IGSF11: variants seen among roughly 807,000 people sequenced by gnomAD.
The protein encoded by IGSF11 is CXADR like 1.
In IGSF11, 22 loss-of-function variants were observed where a neutral mutation model predicts 41.0. The observed-to-expected ratio is 0.54, with a 90% CI of 0.38 to 0.77. The LOEUF is 0.77. Ranked by LOEUF, IGSF11 falls within the 30% of genes least tolerant of loss-of-function variation. The probability of loss-of-function intolerance (pLI) is 0.00; values close to 1 mark genes in which losing one functional copy is unlikely to be tolerated. For missense variants in IGSF11, 444 were observed against 530.8 expected (o/e 0.84, Z 1.61); for synonymous variants, 219 against 201.3 (o/e 1.09, Z -0.74).
At chr3:119,079,021 A>T (rs899415144) in intron 1 of IGSF11, among the ~76,000 whole-genome samples, 2 of 152,112 alleles carry the variant, frequency 1.3e-5, no homozygotes, top group Admixed American at 1.3e-4. Context: ...CAAAACCACA[A>T]TGAGACACCA....
chr3:119,122,500 G>C lies in IGSF11; in HGVS notation c.-13-17295C>G, dbSNP rs192000361. ...CACAAGGACTGCAACTCCTAGGTGA[G>C]TCCTAGCACTAAGCTGGGCTCAGAG... On this transcript the variant is annotated intron_variant, in intron 1 of 7. Transcript: ENST00000425327. Among the ~76,000 whole-genome samples, 488 of 152,316 alleles carry C rather than the reference G, an allele frequency of 3.2e-3. 4 individuals are homozygous for C. Among genetic ancestry groups the C allele is most frequent in the African/African-American group, 0.011 (466 of 41,564 alleles).
chr3:119,058,828 C>A (rs546024008), intron 1 of IGSF11, among the ~76,000 whole-genome samples: 5,245 of 152,160 alleles, frequency 0.034, 215 homozygotes, highest in African/African-American at 0.12. Flanking sequence ...TTTGTAGGGA[C>A]ATGGATGAAG....
At chr3:119,005,903 C>T (rs1358978579) in intron 1 of IGSF11, among the ~76,000 whole-genome samples, 2 of 137,080 alleles carry the variant, frequency 1.5e-5, no homozygotes, top group Admixed American at 7.3e-5. Context: ...AACACTTTTT[C>T]CTTCATTTCA....
intron 1 of IGSF11, among the ~76,000 whole-genome samples, chr3:118,942,775 G>A (rs534422722): frequency 4.6e-5 from 7 of 152,192 alleles, no homozygotes; most frequent in African/African-American, 7.2e-5. Context: ...TTATCTTGTC[G>A]GCTTTGCAGG....
intron 1 of IGSF11, among the ~76,000 whole-genome samples, chr3:119,069,883 C>T (rs577909514): frequency 6.6e-6 from 1 of 152,250 alleles, no homozygotes; most frequent in African/African-American, 2.4e-5. Flanking sequence ...CCTATTTCTT[C>T]CCAGTTCTAA....
At chr3:119,036,991 G>C (rs1176269931), upstream of IGSF11, among the ~76,000 whole-genome samples, 1 of 152,172 alleles carries the variant, frequency 6.6e-6, no homozygotes, top group Non-Finnish European at 1.5e-5. Context: ...TGGTGGACCA[G>C]AAGAAAGCAG....
intron 1 of IGSF11, among the ~76,000 whole-genome samples, chr3:118,932,287 T>C (rs775304728): frequency 2.6e-5 from 4 of 152,226 alleles, no homozygotes; most frequent in Non-Finnish European, 4.4e-5. Context: ...ATTCAGTCTA[T>C]GACAGTATCT....
chr3:119,111,904 C>A (rs1007857620), intron 1 of IGSF11, among the ~76,000 whole-genome samples: 17 of 152,316 alleles, frequency 1.1e-4, no homozygotes, highest in African/African-American at 4.1e-4. Context: ...TGCAGACCAG[C>A]GGATTTTCGT....
intron 1 of IGSF11, among the ~76,000 whole-genome samples, chr3:119,063,171 C>A (rs928646817): frequency 6.6e-6 from 1 of 152,046 alleles, no homozygotes; most frequent in Non-Finnish European, 1.5e-5. Flanking sequence ...AGAAATTTAC[C>A]ACCACATAAT....
intron 1 of IGSF11, among the ~76,000 whole-genome samples, chr3:119,032,338 G>A (rs1245176881): frequency 6.6e-6 from 1 of 152,124 alleles, no homozygotes; most frequent in African/African-American, 2.4e-5. Flanking sequence ...CCCTTGACTA[G>A]TTCAAGAATT....
chr3:119,125,516 A>G (rs1271292470), intron 1 of IGSF11, among the ~76,000 whole-genome samples: 1 of 152,102 alleles, frequency 6.6e-6, no homozygotes, highest in Non-Finnish European at 1.5e-5. Context: ...GTACATTCAC[A>G]AGGGCGGGAC....
chr3:119,044,828 A>G (rs1232331836), intron 1 of IGSF11, among the ~76,000 whole-genome samples: 1 of 152,234 alleles, frequency 6.6e-6, no homozygotes, highest in African/African-American at 2.4e-5. Context: ...AAGGAGAGAT[A>G]AAGTCTTTTT....
intron 1 of IGSF11, chr3:118,983,377 A>G (rs1934939617): frequency 1.3e-5 from 2 of 152,180 alleles, no homozygotes; most frequent in African/African-American, 2.4e-5. Context: ...GTGCTCCAGA[A>G]TACATTATGG....
At chr3:119,057,270 CAA>C (rs1941881522) in intron 1 of IGSF11, among the ~76,000 whole-genome samples, 1 of 152,188 alleles carries the variant, frequency 6.6e-6, no homozygotes, top group Non-Finnish European at 1.5e-5. Context: ...GCAACTTCAG[CAA>C]AGTCTCAGAT....
At position 118,976,376 on chromosome 3, in the gene IGSF11, A is replaced by G. The variant is rs1054575440; in HGVS notation, c.53-46101T>C. Among the ~76,000 whole-genome samples, 5 of 152,308 alleles carry G rather than the reference A, an allele frequency of 3.3e-5. 1 individual carries two copies. The highest frequency in any genetic ancestry group is 1.9e-4 in the East Asian group (1 of 5,180). Reference sequence around the variant, plus strand: ...CTTGAAGCTATCTTTTCTAGTTCTCATGCTATTGTCTGTACTTTCAAATAG... The same window carrying G: ...CTTGAAGCTATCTTTTCTAGTTCTCGTGCTATTGTCTGTACTTTCAAATAG... On this transcript the variant is annotated intron_variant, in intron 1 of 6. Coordinates refer to ENST00000393775, the MANE Select transcript of IGSF11 (RefSeq NM_001015887.3).
chr3:119,009,125 A>G (rs979422410), intron 1 of IGSF11, among the ~76,000 whole-genome samples: 3 of 152,208 alleles, frequency 2.0e-5, no homozygotes, highest in Admixed American at 2.0e-4. Flanking sequence ...AGCATGAAAA[A>G]GTACACATTC....
At chr3:119,143,745 G>A (rs549256401) in intron 1 of IGSF11, among the ~76,000 whole-genome samples, 1 of 152,170 alleles carries the variant, frequency 6.6e-6, no homozygotes, top group South Asian at 2.1e-4. Context: ...ACATTAATAA[G>A]TTGAAAATAC....
chr3:118,903,463 T>C (rs1262994002), intron 6 of IGSF11, among the ~76,000 whole-genome samples: 6 of 152,172 alleles, frequency 3.9e-5, no homozygotes, highest in African/African-American at 1.4e-4. Flanking sequence ...ATAAAATAGC[T>C]GGGAAATCAA....
chr3:119,065,552 G>A (rs11924466), intron 1 of IGSF11, among the ~76,000 whole-genome samples: 2,667 of 152,180 alleles, frequency 0.018, 67 homozygotes, highest in African/African-American at 0.061. Flanking sequence ...CAGCACTTTG[G>A]GAAGTCAAGG....
Sources: allele counts gnomAD v4.1 joint callset (sites outside exome capture counted in the v4.1 genomes callset), GRCh38; gene constraint gnomAD v4.1.1; transcripts MANE v1.5; gene names NCBI Gene and HGNC (gene_info 2026-07-23, HGNC 2026-07-21).